Variants in CDHR2 observed in about 807,000 individuals in gnomAD.
CDHR2 encodes cadherin-related family member 2.
A neutral mutation model predicts 138.6 loss-of-function variants in CDHR2; 104 were observed. The observed-to-expected ratio is 0.75, with a 90% CI of 0.64 to 0.88. The LOEUF (loss-of-function observed/expected upper bound fraction) is 0.88. Ranked by LOEUF, CDHR2 falls within the 40% of genes least tolerant of loss-of-function variation. The probability of loss-of-function intolerance (pLI) is 0.00; values close to 1 mark genes in which losing one functional copy is unlikely to be tolerated. For missense variants in CDHR2, 1,624 were observed against 1,727.6 expected, an observed-to-expected ratio of 0.94 and a Z score of 1.06; for synonymous variants, 755 against 742.8, an observed-to-expected ratio of 1.02 and a Z score of -0.27.
chr5:176,585,059 G>A, intron 19 of CDHR2, 44 bp downstream of exon 19: 1 of 1,502,932 alleles, frequency 6.7e-7, no homozygotes, highest in Admixed American at 2.1e-5. Flanking sequence ...CCATAGCTTA[G>A]GGGCCGCGGG....
intron 18 of CDHR2, 48 bp from the exon 19 acceptor site, chr5:176,584,362 C>G (rs750096750): frequency 1.2e-6 from 2 of 1,609,824 alleles, no homozygotes. Context: ...GAGGAGGCTT[C>G]CGATGGCGGG....
In CDHR2 at chr5:176,565,715, A is replaced by G; in HGVS notation, c.96A>G (p.Ser32=). 1 of 1,613,976 alleles carries G rather than the reference A, an allele frequency of 6.2e-7. No individual in the cohort carries two copies. The highest frequency in any genetic ancestry group is 1.3e-5 in the African/African-American group (1 of 75,032). Residue 32 remains serine (S), a synonymous_variant, in exon 3 of 32, where the codon TCA becomes TCG. Coordinates refer to ENST00000261944, the MANE Select transcript of CDHR2 (RefSeq NM_017675.6). ...VAPKFLANMT[S]VILPEDLPVG... is the part of the protein sequence containing the mutation. The stretch of plus-strand genomic sequence containing the variant: ...CGAAGTTCCTAGCCAACATGACGTC[A>G]GTGATCCTGCCTGAGGACCTGCCTG...
intron 1 of CDHR2, among the ~76,000 whole-genome samples, chr5:176,551,096 C>A (rs1263458576): frequency 6.6e-6 from 1 of 152,170 alleles, no homozygotes; most frequent in Non-Finnish European, 1.5e-5. Flanking sequence ...GCAACCTGTG[C>A]CTCCCTGGTT....
rs1757757912 is a variant in CDHR2, at chr5:176,553,577, T to C, written c.-16+4163T>C. Among the ~76,000 whole-genome samples, 1 of 152,098 alleles carries C rather than the reference T, an allele frequency of 6.6e-6. No individual in the cohort carries two copies. The highest frequency in any genetic ancestry group is 1.5e-5 in the Non-Finnish European group (1 of 67,988). On this transcript the variant is annotated intron_variant, in intron 1 of 31. Transcript: ENST00000261944. This position sits in a 1 kb window ranked among gnomAD's most constrained non-coding sequence, Gnocchi z 4.3. ...AAGGACAGAACATGAGAGAAAAAAG[T>C]GAGGAGGGAGGTAGGTTCCAGGTTA...
At chr5:176,589,222 G>C in intron 22 of CDHR2, 40 bp downstream of exon 22, 1 of 1,611,374 alleles carries the variant, frequency 6.2e-7, no homozygotes, top group Non-Finnish European at 8.5e-7. Flanking sequence ...TGCGGGGAGG[G>C]GCCCGATAGG....
Position 176,581,538 on chromosome 5 carries a change from G to A in CDHR2, c.2014G>A (p.Glu672Lys), listed in dbSNP as rs72809131. 6.6e-3 allele frequency: 10,725 copies of A among 1,614,040 alleles called. 52 individuals are homozygous for A. The highest frequency in any genetic ancestry group is 0.014 in the Middle Eastern group (87 of 6,062). Residue 672 changes from glutamate (E) to lysine (K), a missense_variant, in exon 17 of 32, where the codon GAG (glutamate) becomes AAG (lysine). Transcript: ENST00000261944. ...VLTVLVSDCG[E>K]PVLGTKVNVT... Reference sequence around the variant, plus strand: ...GACAGTGCTTGTGTCTGACTGCGGCGAGCCTGTCCTCGGCACCAAAGTCAA... The same window carrying A: ...GACAGTGCTTGTGTCTGACTGCGGCAAGCCTGTCCTCGGCACCAAAGTCAA...
intron 16 of CDHR2, among the ~76,000 whole-genome samples, chr5:176,579,999 GA>G (rs1437888264): frequency 2.0e-5 from 3 of 152,200 alleles, no homozygotes; most frequent in Non-Finnish European, 4.4e-5. Flanking sequence ...CGGGGTGAGG[GA>G]ACGGAACCTG....
intron 7 of CDHR2, 53 bp from the exon 8 acceptor site, chr5:176,575,031 C>T: frequency 6.2e-7 from 1 of 1,604,916 alleles, no homozygotes; most frequent in African/African-American, 1.3e-5. Context: ...AGAGTGGGGT[C>T]CTCGGTGCAG....
chr5:176,588,722 T>TGAGA (rs1314775316), intron 21 of CDHR2, among the ~76,000 whole-genome samples: 4 of 112,590 alleles, frequency 3.6e-5, no homozygotes, highest in African/African-American at 1.3e-4. Flanking sequence ...AGTGTGTGTG[T>TGAGA]GTGAGAGAGA....
rs1758804915 is a variant in CDHR2, at chr5:176,590,078, G to A, written c.3207G>A (p.Ala1069=). 3 of 1,613,574 alleles carry A rather than the reference G, an allele frequency of 1.9e-6. No homozygotes were observed. The highest frequency in any genetic ancestry group is 2.5e-6 in the Non-Finnish European group (3 of 1,179,694). Reference sequence around the variant, plus strand: ...TCTGTGACATCTGCCTTCTTTGCAGGGCTCTTACCCAGGCAACCAGGACTA... The same window carrying A: ...TCTGTGACATCTGCCTTCTTTGCAGAGCTCTTACCCAGGCAACCAGGACTA... ...EVGANRQAIN[A]ALTQATRTTV... is the part of the protein sequence containing the mutation. The change falls in exon 25 of 32, where the codon GCG becomes GCA. Residue 1069 remains alanine (A), a splice_region_variant and synonymous_variant. Transcript: ENST00000261944.
At chr5:176,545,900 G>T (rs1757575744), upstream of CDHR2, among the ~76,000 whole-genome samples, 1 of 152,252 alleles carries the variant, frequency 6.6e-6, no homozygotes. Context: ...GCACCATCTG[G>T]CCACACGTGC....
At chr5:176,544,555 T>C (rs766136043), upstream of CDHR2, among the ~76,000 whole-genome samples, 1 of 152,110 alleles carries the variant, frequency 6.6e-6, no homozygotes, top group Non-Finnish European at 1.5e-5. Flanking sequence ...TTCTCCTGCC[T>C]CAGCCTCTCG....
At chr5:176,565,275 T>C (rs1443004217) in intron 1 of CDHR2, 63 bp from the exon 2 acceptor site, 18 of 1,208,890 alleles carry the variant, frequency 1.5e-5, no homozygotes, top group Non-Finnish European at 2.0e-5. Flanking sequence ...CCCAGGCAGA[T>C]GGGAGTCTGC....
In CDHR2 at chr5:176,595,586, G is replaced by A. The variant is rs1373032617; in HGVS notation, c.3847G>A (p.Val1283Ile). Reference sequence around the variant, plus strand: ...GCCAGATCCAGAGCCCCTGAGCGTGGTCCTGTTAGGACGGCAGGCAGGCGC... The same window carrying A: ...GCCAGATCCAGAGCCCCTGAGCGTGATCCTGTTAGGACGGCAGGCAGGCGC... ...PEPDPEPLSV[V>I]LLGRQAGASG... Residue 1283 changes from valine to isoleucine, a missense_variant, in exon 32 of 32, where the codon GTC becomes ATC. Val to Ile is a conservative substitution (Grantham distance 29). Around this residue, in one of 3 missense-constraint regions of CDHR2, gnomAD observed 556 missense variants for 565.7 expected, o/e 0.98. Transcript: ENST00000261944. 18 of 1,612,868 alleles carry A rather than the reference G, an allele frequency of 1.1e-5. No homozygotes were observed. Among genetic ancestry groups the A allele is most frequent in the Non-Finnish European group, 1.4e-5 (17 of 1,179,386 alleles).
chr5:176,569,641 C>A (rs1017456441), intron 5 of CDHR2, among the ~76,000 whole-genome samples: 43 of 152,260 alleles, frequency 2.8e-4, no homozygotes, highest in African/African-American at 1.0e-3. Flanking sequence ...CCTCTCCACC[C>A]CAGGGCTCCA....
chr5:176,586,778 C>T lies in CDHR2; in HGVS notation c.2807-15C>T, dbSNP rs369255985. The T allele has an allele frequency of 5.6e-5, 90 of 1,602,170 alleles. No individual in the cohort carries two copies. Among genetic ancestry groups the T allele is most frequent in the African/African-American group, 9.4e-5 (7 of 74,774 alleles). On this transcript the variant is annotated splice_polypyrimidine_tract_variant and intron_variant, in intron 20 of 31. Transcript: ENST00000261944. ...GTCCCGACCCCGCTGACCCCGTTCCCGTTCACACCTGCAGTGATCATCCCT... is the reference window on the plus strand; with the variant it reads ...GTCCCGACCCCGCTGACCCCGTTCCTGTTCACACCTGCAGTGATCATCCCT...
At chr5:176,577,594 G>A in intron 13 of CDHR2, 40 bp downstream of exon 13, 2 of 1,613,784 alleles carry the variant, frequency 1.2e-6, no homozygotes, top group Non-Finnish European at 1.7e-6. Flanking sequence ...GAAGCCGAGG[G>A]GCACTTGGGC....
intron 30 of CDHR2, among the ~76,000 whole-genome samples, chr5:176,592,448 TGAC>T (rs1758905027): frequency 1.4e-5 from 2 of 147,376 alleles, no homozygotes; most frequent in Non-Finnish European, 3.0e-5. Flanking sequence ...TGATGGATGA[TGAC>T]GGTGGTGGTG....
chr5:176,577,789 C>G lies in CDHR2; in HGVS notation c.1503C>G (p.Asp501Glu), dbSNP rs769396176. 1.2e-6 allele frequency: 2 copies of G among 1,614,084 alleles called. No homozygotes were observed. Among genetic ancestry groups the G allele is most frequent in the South Asian group, 1.1e-5 (1 of 91,066 alleles). The change falls in exon 14 of 32, where the codon GAC becomes GAG. Residue 501 changes from aspartate to glutamate, a missense_variant. This residue lies in a region of CDHR2 where 1,061 missense variants were observed against 1,136.6 expected (regional missense o/e 0.93). Transcript: ENST00000261944. ...EHSATGSVVT[D>E]SIHATDPDTG... ...GCGCCACCGGCTCTGTGGTCACCGA[C>G]AGCATCCACGTGAGTGATGTGGACA...
Sources: allele counts gnomAD v4.1 joint callset (sites outside exome capture counted in the v4.1 genomes callset), GRCh38; gene constraint gnomAD v4.1.1; regional missense constraint gnomAD v4.1.1; non-coding constraint Gnocchi (gnomAD v3.1); transcripts MANE v1.5; gene names NCBI Gene and HGNC (gene_info 2026-07-23, HGNC 2026-07-21).